Variants in PCLO observed in about 807,000 individuals in gnomAD.
PCLO encodes the protein protein piccolo.
Under a neutral mutation model 427.5 loss-of-function variants are expected in PCLO, and 82 were observed. The ratio of observed to expected loss-of-function variants is 0.19; its 90% CI spans 0.16 to 0.23. The LOEUF is 0.23. Among genes scored for constraint, PCLO ranks in the 10% least tolerant of loss-of-function variants. The pLI is 1.00. For synonymous variants in PCLO, 2,357 were observed against 2,155.4 expected, an observed-to-expected ratio of 1.09 and a Z score of -2.59; for missense variants, 6,239 against 6,115.9, an observed-to-expected ratio of 1.02 and a Z score of -0.67.
intron 3 of PCLO, among the ~76,000 whole-genome samples, chr7:83,105,510 C>CAA (rs11390392): frequency 1.0e-3 from 156 of 151,342 alleles, no homozygotes; most frequent in African/African-American, 3.3e-3. Context: ...CAAAACAAAA[C>CAA]AAAAAAACAA....
chr7:83,000,018 A>C (rs535778773), intron 3 of PCLO, among the ~76,000 whole-genome samples: 1 of 142,368 alleles, frequency 7.0e-6, no homozygotes, highest in South Asian at 2.2e-4. Context: ...AACTCTGAGA[A>C]CACCAAGCAG....
chr7:83,013,942 A>G (rs571043341), intron 3 of PCLO, among the ~76,000 whole-genome samples: 1 of 152,302 alleles, frequency 6.6e-6, no homozygotes, highest in Admixed American at 6.5e-5. Flanking sequence ...TCCTGTTTCC[A>G]TTGTAGAATA....
rs1584024858 is a variant in PCLO at position 82,832,769 on chromosome 7, GATTT to G, written c.14249+2894_14249+2897del. Among the ~76,000 whole-genome samples the G allele has an allele frequency of 2.0e-5, 3 of 146,712 alleles. No individual in the cohort carries two copies. In the South Asian group the frequency reaches 6.5e-4, roughly 32 times the overall value. On this transcript the variant is annotated intron_variant, in intron 16 of 24. Coordinates refer to ENST00000333891, the MANE Select transcript of PCLO (RefSeq NM_033026.6). ...AACATTGAAAGTATTCATTTTTAAT[GATTT>G]ATCTGGTTTTCCTTTACTAAACTTA...
At chr7:82,916,898 G>A in intron 6 of PCLO, 25 bp from the exon 7 acceptor site, 1 of 1,496,468 alleles carries the variant, frequency 6.7e-7, no homozygotes, top group African/African-American at 1.4e-5. Context: ...ACAAAATATA[G>A]TACTTTAGTA....
At chr7:83,102,594 T>C (rs916204281) in intron 3 of PCLO, among the ~76,000 whole-genome samples, 1 of 152,014 alleles carries the variant, frequency 6.6e-6, no homozygotes, top group African/African-American at 2.4e-5. Flanking sequence ...CTATGACATT[T>C]GGCTATTTCA....
In PCLO at chr7:82,950,115, T is replaced by C. The variant is rs935809741; in HGVS notation, c.10473A>G (p.Lys3491=). Residue 3491 remains lysine (K), a synonymous_variant, in exon 6 of 25, where the codon AAA becomes AAG. Transcript: ENST00000333891. ...EWDMPTRSRR[K]ARVGKYGDSM... is the part of the protein sequence containing the mutation. ...TGTCACCATATTTCCCTACACGAGC[T>C]TTCCTCCTTGATCTAGTAGGCATAT... The C allele has an allele frequency of 2.4e-5, 38 of 1,610,390 alleles. No individual in the cohort carries two copies. The highest frequency in any genetic ancestry group is 5.1e-5 in the Admixed American group (3 of 59,398).
Position 83,134,234 on chromosome 7 carries a change from T to TAC in PCLO, c.3300+15_3300+16insGT, listed in dbSNP as rs753147452. The TAC allele has an allele frequency of 2.5e-6, 2 of 790,836 alleles. No individual in the cohort carries two copies. The highest frequency in any genetic ancestry group is 3.6e-6 in the Non-Finnish European group (2 of 552,802). 49.0% of individuals were successfully genotyped at this position (790,836 alleles called of 1,614,324 possible). ...TCCATATGTAATATATATATATATA[T>TAC]ATATATATAACTTACCTCAGTCAAA... On this transcript the variant is annotated intron_variant, in intron 3 of 24. Coordinates refer to ENST00000333891, the MANE Select transcript of PCLO (RefSeq NM_033026.6).
At chr7:82,918,939 C>A (rs1226338613) in intron 6 of PCLO, among the ~76,000 whole-genome samples, 1 of 151,930 alleles carries the variant, frequency 6.6e-6, no homozygotes, top group African/African-American at 2.4e-5. Flanking sequence ...GTCCAAAGAA[C>A]TTAATAATGG....
At chr7:82,777,826 G>A (rs1790786116) in intron 22 of PCLO, among the ~76,000 whole-genome samples, 1 of 152,050 alleles carries the variant, frequency 6.6e-6, no homozygotes, top group African/African-American at 2.4e-5. Flanking sequence ...ACCTAGGTAG[G>A]TAATATCTAG....
At chr7:83,122,116 G>A (rs1791295694) in intron 3 of PCLO, among the ~76,000 whole-genome samples, 1 of 151,886 alleles carries the variant, frequency 6.6e-6, no homozygotes, top group South Asian at 2.1e-4. Flanking sequence ...GATACCTCAT[G>A]ACAAAAACCA....
intron 3 of PCLO, 30 bp downstream of exon 3, chr7:83,134,220 T>C (rs1584068717): frequency 3.3e-6 from 1 of 303,704 alleles, no homozygotes; most frequent in East Asian, 6.4e-5. Flanking sequence ...CCATATGTAA[T>C]ATATATATAT....
rs775302246 is a variant in PCLO, at chr7:83,134,501, T to C, written c.3049A>G (p.Thr1017Ala). ...KLEPKAEQAP[T>A]VKRTETEKKP... ...TTTTCTGTTTCTGTTCTTTTTACTG[T>C]TGGAGCTTGTTCAGCTTTGGGCTCT... Residue 1017 changes from threonine to alanine, a missense_variant, in exon 3 of 25, where the codon ACA (threonine) becomes GCA (alanine). By Grantham distance (58) the Thr-to-Ala change is moderately conservative. This residue lies in a region of PCLO where 4,677 missense variants were observed against 4,468.4 expected (regional missense o/e 1.05). Transcript: ENST00000333891. The C allele has an allele frequency of 6.8e-6, 11 of 1,613,758 alleles. No homozygotes were observed. The African/African-American group carries it at 1.5e-4, about 22-fold the overall frequency.
chr7:82,871,418 T>C (rs1793233412), intron 10 of PCLO, among the ~76,000 whole-genome samples: 1 of 145,534 alleles, frequency 6.9e-6, no homozygotes, highest in Admixed American at 6.9e-5. Context: ...CTCATTAATA[T>C]AGTAAATAAA....
chr7:82,863,009 T>C (rs562898831), intron 10 of PCLO, among the ~76,000 whole-genome samples: 2 of 152,178 alleles, frequency 1.3e-5, no homozygotes, highest in African/African-American at 4.8e-5. Context: ...TATAAATGTA[T>C]TGTTTGTAAC....
intron 3 of PCLO, among the ~76,000 whole-genome samples, chr7:83,123,828 A>C (rs925275147): frequency 6.6e-6 from 1 of 152,028 alleles, no homozygotes; most frequent in African/African-American, 2.4e-5. Context: ...GCAGTGGCTC[A>C]CGCCTGTGAT....
At chr7:82,806,027 T>G (rs911506422) in intron 20 of PCLO, among the ~76,000 whole-genome samples, 198 bp from the exon 21 acceptor site, 5 of 152,206 alleles carry the variant, frequency 3.3e-5, no homozygotes, top group Admixed American at 2.6e-4. Flanking sequence ...ACTGTTTTTA[T>G]TGGACATCAA....
intron 3 of PCLO, among the ~76,000 whole-genome samples, chr7:83,066,797 G>A (rs1237767062): frequency 2.0e-5 from 3 of 152,022 alleles, no homozygotes; most frequent in Admixed American, 2.0e-4. Flanking sequence ...AAAATAATAC[G>A]GGCCTTAGAC....
chr7:83,162,128 A>T (rs1792454375), intron 1 of PCLO, among the ~76,000 whole-genome samples: 1 of 152,216 alleles, frequency 6.6e-6, no homozygotes, highest in South Asian at 2.1e-4. Context: ...AGTTCCAAGA[A>T]TGTAACCCTT....
chr7:82,818,361 G>T (rs1791719372), intron 20 of PCLO, among the ~76,000 whole-genome samples: 1 of 152,120 alleles, frequency 6.6e-6, no homozygotes, highest in South Asian at 2.1e-4. Context: ...ACTCTTGATA[G>T]AAATGCCTAC....
Sources: gnomAD v4.1 joint callset for allele counts (sites outside exome capture counted in the v4.1 genomes callset) on GRCh38, gnomAD v4.1.1 for gene constraint, gnomAD v4.1.1 regional missense constraint, MANE v1.5 for transcripts, NCBI Gene and HGNC (gene_info 2026-07-23, HGNC 2026-07-21) for gene names.